The following GRIP1 variants were observed in gnomAD, a reference collection of about 807,000 sequenced individuals.
GRIP1 encodes glutamate receptor interacting protein 1.
GRIP1 carries 45 observed loss-of-function variants against 129.9 expected under a neutral mutation model. The observed-to-expected ratio is 0.35, with a 90% confidence interval of 0.27 to 0.44. GRIP1 has a LOEUF of 0.44. Ranked by LOEUF, GRIP1 falls within the 20% of genes least tolerant of loss-of-function variation. The pLI is 1.00. For missense variants in GRIP1, 1,196 were observed against 1,396.8 expected (o/e 0.86, Z 2.29); for synonymous variants, 530 against 520.8 (o/e 1.02, Z -0.24).
At chr12:66,626,230 CTTG>C (rs2030020062) in intron 1 of GRIP1, among the ~76,000 whole-genome samples, 1 of 151,754 alleles carries the variant, frequency 6.6e-6, no homozygotes, top group Non-Finnish European at 1.5e-5. Flanking sequence ...CTCCCAGCTA[CTTG>C]GGAGGCTGAG....
intron 1 of GRIP1, among the ~76,000 whole-genome samples, chr12:66,667,659 C>T (rs1365926048): frequency 6.6e-6 from 1 of 152,128 alleles, no homozygotes; most frequent in Non-Finnish European, 1.5e-5. Context: ...GCAGGCAGTA[C>T]ACTTGCCTAT....
At chr12:66,934,718 C>T (rs1265069047) in intron 1 of GRIP1, among the ~76,000 whole-genome samples, 1 of 152,158 alleles carries the variant, frequency 6.6e-6, no homozygotes, top group Non-Finnish European at 1.5e-5. Context: ...TCCAACCAAG[C>T]TATTTATTTA....
chr12:66,853,490 C>CTTTATTT (rs2039950578), intron 1 of GRIP1, among the ~76,000 whole-genome samples: 1 of 151,886 alleles, frequency 6.6e-6, no homozygotes, highest in South Asian at 2.1e-4. Context: ...TCTGAGGGAG[C>CTTTATTT]CATTTTAACA....
intron 1 of GRIP1, among the ~76,000 whole-genome samples, chr12:66,814,422 T>A (rs1028852409): frequency 2.0e-5 from 3 of 152,146 alleles, no homozygotes; most frequent in African/African-American, 7.2e-5. Context: ...CTGCTTCTTA[T>A]GAAACCTTGT....
In GRIP1 at chr12:66,764,473, T is replaced by C. The variant is rs183566155; in HGVS notation, c.-420+39580A>G. ...TGAGGAAAAGTTATTATTTTACTTA[T>C]ACTAAGACCTTTGACCAAAATTTAC... On this transcript the variant is annotated intron_variant, in intron 1 of 4. Transcript: ENST00000538373. Among the ~76,000 whole-genome samples, 406 of 152,320 alleles carry C rather than the reference T, an allele frequency of 2.7e-3. 1 individual carries two copies. Among genetic ancestry groups the C allele is most frequent in the African/African-American group, 9.3e-3 (388 of 41,568 alleles).
At chr12:67,059,992 T>C (rs2043503456) in intron 1 of GRIP1, among the ~76,000 whole-genome samples, 2 of 152,286 alleles carry the variant, frequency 1.3e-5, no homozygotes, top group South Asian at 4.1e-4. Flanking sequence ...CAAACTTAGG[T>C]AGTGAGTTTC....
At chr12:66,399,388 T>C (rs956140989) in intron 16 of GRIP1, among the ~76,000 whole-genome samples, 1 of 151,986 alleles carries the variant, frequency 6.6e-6, no homozygotes, top group South Asian at 2.1e-4. Flanking sequence ...TCCTTGAGGC[T>C]GCTCCAGTGT....
At chr12:66,435,796 T>C (rs967276004) in intron 13 of GRIP1, among the ~76,000 whole-genome samples, 2 of 152,240 alleles carry the variant, frequency 1.3e-5, no homozygotes, top group African/African-American at 2.4e-5. Flanking sequence ...AAAACAGTAA[T>C]GAATCACTTC....
At chr12:66,388,827 G>T (rs1439232337) in intron 19 of GRIP1, among the ~76,000 whole-genome samples, 1 of 152,228 alleles carries the variant, frequency 6.6e-6, no homozygotes. Flanking sequence ...TGTCCCTTCA[G>T]CTGGGTAACC....
chr12:66,634,215 TAAA>T (rs1790335760), intron 1 of GRIP1, among the ~76,000 whole-genome samples: 1 of 152,228 alleles, frequency 6.6e-6, no homozygotes, highest in East Asian at 1.9e-4. Flanking sequence ...TGTCCATAGA[TAAA>T]GAAGTATAGC....
intron 23 of GRIP1, among the ~76,000 whole-genome samples, chr12:66,364,831 TC>T (rs956778735): frequency 2.0e-4 from 30 of 152,072 alleles, no homozygotes; most frequent in African/African-American, 7.0e-4. Context: ...ATCCACCCTC[TC>T]CCTCTCTTTT....
At chr12:66,902,000 T>C (rs967193930) in intron 1 of GRIP1, among the ~76,000 whole-genome samples, 1 of 152,308 alleles carries the variant, frequency 6.6e-6, no homozygotes, top group Middle Eastern at 3.4e-3. Flanking sequence ...GCAGAAAACA[T>C]GAGCTTTGCA....
chr12:66,423,455 G>A (rs1007106863), intron 14 of GRIP1, among the ~76,000 whole-genome samples: 1 of 152,114 alleles, frequency 6.6e-6, no homozygotes, highest in Non-Finnish European at 1.5e-5. Flanking sequence ...TATCCTCATT[G>A]GGCTGATCTC....
intron 1 of GRIP1, among the ~76,000 whole-genome samples, chr12:66,969,444 A>T (rs1394871820): frequency 6.6e-6 from 1 of 152,054 alleles, no homozygotes; most frequent in Non-Finnish European, 1.5e-5. Flanking sequence ...GTCTCACTCT[A>T]TCAAGCAGCC....
intron 1 of GRIP1, among the ~76,000 whole-genome samples, chr12:66,924,984 A>G (rs1292463220): frequency 1.3e-5 from 2 of 152,196 alleles, no homozygotes; most frequent in East Asian, 1.9e-4. Flanking sequence ...AAGAAAAAAA[A>G]TTAAGAGAGC....
At chr12:66,831,708 G>A (rs933393322) in intron 1 of GRIP1, among the ~76,000 whole-genome samples, 1 of 152,162 alleles carries the variant, frequency 6.6e-6, no homozygotes, top group Non-Finnish European at 1.5e-5. Context: ...GCTCTTTCTA[G>A]ATTTCACACC....
Position 66,362,443 on chromosome 12 carries a change from G to A in GRIP1, c.3013-8880C>T, listed in dbSNP as rs145260942. On this transcript the variant is annotated intron_variant, in intron 23 of 24. Transcript: ENST00000359742. ...GCTGGGATTACAGGCGCAAGTCACC[G>A]CGCCCAGCCTTCAATTTAATCTTTA... Among the ~76,000 whole-genome samples, 1,145 of 151,772 alleles carry A rather than the reference G, an allele frequency of 7.5e-3. 41 individuals carry two copies. The highest frequency in any genetic ancestry group is 0.026 in the African/African-American group (1,073 of 41,104).
In GRIP1 at chr12:66,759,726, CA is replaced by C. The variant is rs1401953003; in HGVS notation, c.-420+44326del. ...TTCAAAGTTCCACAAATCTCTAGAG[CA>C]GGGGCAAAATGCCGCTAGTCTCTTT... is the stretch of plus-strand genomic sequence containing the variant. On this transcript the variant is annotated intron_variant, in intron 1 of 4. Coordinates refer to the GRIP1 transcript ENST00000538373. 3.3e-5 allele frequency among the ~76,000 whole-genome samples: 5 copies of C among 151,472 alleles called. No individual in the cohort carries two copies. The East Asian group carries it at 9.8e-4, about 30-fold the overall frequency.
At chr12:66,754,488 C>A (rs764292541) in intron 1 of GRIP1, among the ~76,000 whole-genome samples, 3 of 152,068 alleles carry the variant, frequency 2.0e-5, no homozygotes, top group Non-Finnish European at 4.4e-5. Flanking sequence ...GATTAAGTTG[C>A]GGGTTTAAAT....
Sources: gnomAD v4.1 joint callset for allele counts (sites outside exome capture counted in the v4.1 genomes callset) on GRCh38, gnomAD v4.1.1 for gene constraint, MANE v1.5 for transcripts, NCBI Gene and HGNC (gene_info 2026-07-23, HGNC 2026-07-21) for gene names.